The following MED13 variants were observed in gnomAD, a reference collection of about 807,000 sequenced individuals.
MED13 encodes mediator of RNA polymerase II transcription subunit 13.
In MED13, 23 loss-of-function variants were observed where a neutral mutation model predicts 225.2. The observed-to-expected ratio is 0.10, with a 90% CI of 0.07 to 0.14. MED13 has a LOEUF of 0.14. MED13 is among the 10% of genes least tolerant of loss of function. MED13 has a pLI of 1.00. For synonymous variants in MED13, 942 were observed against 889.2 expected (o/e 1.06, Z -1.06); for missense variants, 2,197 against 2,594.5 (o/e 0.85, Z 3.33).
Position 61,984,768 on chromosome 17 carries a change from A to T in MED13, c.2574T>A (p.Gly858=). 1 of 1,613,394 alleles carries T rather than the reference A, an allele frequency of 6.2e-7. No individual in the cohort carries two copies. Among genetic ancestry groups the T allele is most frequent in the Non-Finnish European group, 8.5e-7 (1 of 1,179,370 alleles). The change falls in exon 14 of 30, where the codon GGT becomes GGA. Residue 858 remains glycine (G), a synonymous_variant. Transcript: ENST00000397786. ...SPMNMNNKEY[G]SMDTTPGGTV... ...TTCCTCCAGGTGTTGTATCCATACTACCATATTCTTTATTATTCATATTCA... is the reference window on the plus strand; with the variant it reads ...TTCCTCCAGGTGTTGTATCCATACTTCCATATTCTTTATTATTCATATTCA...
chr17:62,043,586 T>C (rs917455312), intron 3 of MED13, among the ~76,000 whole-genome samples: 5 of 152,184 alleles, frequency 3.3e-5, no homozygotes, highest in South Asian at 4.1e-4. Context: ...TACCTTTCAC[T>C]AATAAACACT....
At chr17:62,061,007 A>C (rs544942681) in intron 2 of MED13, among the ~76,000 whole-genome samples, 1 of 152,226 alleles carries the variant, frequency 6.6e-6, no homozygotes, top group South Asian at 2.1e-4. Flanking sequence ...CCAGCTGATC[A>C]CTATTTTAAA....
At chr17:61,990,694 T>C (rs1260800508) in intron 11 of MED13, among the ~76,000 whole-genome samples, 5 of 151,196 alleles carry the variant, frequency 3.3e-5, no homozygotes, top group African/African-American at 1.2e-4. Context: ...CATAAATATA[T>C]ATAATTTTTA....
Position 62,031,435 on chromosome 17 carries a change from C to A in MED13, c.1009+9G>T. The A allele has an allele frequency of 6.3e-7, 1 of 1,575,448 alleles. No homozygotes were observed. The highest frequency in any genetic ancestry group is 8.6e-7 in the Non-Finnish European group (1 of 1,160,844). Reference sequence around the variant, plus strand: ...TTACCAGAGCTGATGAGACAAATTACTGCTATACCTGTTTGGACTTCCTCA... The same window carrying A: ...TTACCAGAGCTGATGAGACAAATTAATGCTATACCTGTTTGGACTTCCTCA... On this transcript the variant is annotated intron_variant, in intron 6 of 29. Transcript: ENST00000397786.
intron 9 of MED13, among the ~76,000 whole-genome samples, chr17:62,001,656 C>T (rs376221514): frequency 1.3e-5 from 2 of 152,230 alleles, no homozygotes; most frequent in East Asian, 1.9e-4. Flanking sequence ...CTAACCATAC[C>T]AAACTACATA....
At chr17:62,019,772 T>C (rs933732128) in intron 8 of MED13, among the ~76,000 whole-genome samples, 2 of 150,854 alleles carry the variant, frequency 1.3e-5, no homozygotes, top group African/African-American at 2.4e-5. Context: ...AGACGGAGCC[T>C]CGCTCTTGTC....
intron 8 of MED13, among the ~76,000 whole-genome samples, chr17:62,022,901 T>C (rs547747875): frequency 6.6e-6 from 1 of 152,114 alleles, no homozygotes; most frequent in African/African-American, 2.4e-5. Context: ...TTCTAGCTAG[T>C]TGGGAGACTG....
chr17:61,956,597 G>A, intron 23 of MED13, 116 bp from the exon 24 acceptor site: 1 of 1,041,448 alleles, frequency 9.6e-7, no homozygotes, highest in Middle Eastern at 2.4e-4. Context: ...GGAGTGCAGT[G>A]GTGCGATCTC....
chr17:61,987,128 T>C lies in MED13; in HGVS notation c.2264A>G (p.Asp755Gly), dbSNP rs1299061242. 11 of 1,584,622 alleles carry C rather than the reference T, an allele frequency of 6.9e-6. No homozygotes were observed. The highest frequency in any genetic ancestry group is 9.4e-6 in the Non-Finnish European group (11 of 1,169,610). The change falls in exon 12 of 30, where the codon GAT becomes GGT. Residue 755 changes from aspartate to glycine, a missense_variant and splice_region_variant. Physicochemically the swap from Asp to Gly is moderately conservative, Grantham distance 94 (BLOSUM62 -1). Transcript: ENST00000397786. ...MSLFSPSIKQDAPRPTSHARP... is the reference protein window; with the variant it reads ...MSLFSPSIKQGAPRPTSHARP... ...GGCATGACTAGTAGGGCGTGGAGCA[T>C]CTACAAAAGTCAATCAGAAAAATAA...
rs555881211 is a variant in MED13, at chr17:62,017,219, TAA to T, written c.1284-5988_1284-5987del. 7.5e-4 allele frequency among the ~76,000 whole-genome samples: 63 copies of T among 84,196 alleles called. No homozygotes were observed. The East Asian group carries it at 8.4e-3, about 11-fold the overall frequency. The allele number at this position is 84,196 out of a possible 152,430, so 55.2% of individuals were successfully genotyped here. ...ACAAAACAGAGTAGAACTAAAATGC[TAA>T]AAAAAAAAAAAAAAAAGCATGAAAG... On this transcript the variant is annotated intron_variant, in intron 8 of 29. Transcript: ENST00000397786.
At position 62,046,280 on chromosome 17, in the gene MED13, GA is replaced by G. The variant is rs150868208; in HGVS notation, c.470+6256del. ...TGTCCTACTTGCTTTTCCAAAGAAG[GA>G]AAAAGGGTAAGAAAGTTCCTGTAAA... On this transcript the variant is annotated intron_variant, in intron 3 of 29. Transcript: ENST00000397786. Among the ~76,000 whole-genome samples, 33 of 152,196 alleles carry G rather than the reference GA, an allele frequency of 2.2e-4. 1 individual carries two copies. The East Asian group carries it at 6.2e-3, about 28-fold the overall frequency.
At chr17:62,044,904 T>G (rs1449188396) in intron 3 of MED13, among the ~76,000 whole-genome samples, 1 of 152,232 alleles carries the variant, frequency 6.6e-6, no homozygotes, top group African/African-American at 2.4e-5. Context: ...TCAAGTGATC[T>G]GCCTGCCTTG....
intron 28 of MED13, among the ~76,000 whole-genome samples, chr17:61,949,956 T>G (rs1323608233): frequency 5.9e-5 from 9 of 152,192 alleles, no homozygotes; most frequent in Non-Finnish European, 4.4e-5. Flanking sequence ...GTGCTGGGAT[T>G]ACAGGCATGA....
chr17:62,029,428 A>T (rs2080733011), intron 8 of MED13, 113 bp downstream of exon 8: 8 of 724,302 alleles, frequency 1.1e-5, no homozygotes, highest in Non-Finnish European at 1.8e-5. Flanking sequence ...TTTCTTTTGA[A>T]AAAAAATCCT....
At chr17:62,047,695 A>C (rs570875803) in intron 3 of MED13, among the ~76,000 whole-genome samples, 1 of 152,026 alleles carries the variant, frequency 6.6e-6, no homozygotes, top group Non-Finnish European at 1.5e-5. Flanking sequence ...CGTTCTGCAC[A>C]TGTATTGCAG....
In MED13 at chr17:62,010,795, T is replaced by C; in HGVS notation, c.1722A>G (p.Pro574=). The C allele has an allele frequency of 6.2e-7, 1 of 1,614,246 alleles. No individual in the cohort carries two copies. Among genetic ancestry groups the C allele is most frequent in the South Asian group, 1.1e-5 (1 of 91,086 alleles). ...ACAAACTGTCTATCCTATCTTCCAT[T>C]GGTTTAGAAGGAACCAAGGGATCTG... is the stretch of plus-strand genomic sequence containing the variant. ...PTPDPLVPSK[P]MEDRIDSLSQ... is the part of the protein sequence containing the mutation. Residue 574 remains proline (P), a synonymous_variant, in exon 9 of 30, where the codon CCA becomes CCG. Coordinates refer to ENST00000397786, the MANE Select transcript of MED13 (RefSeq NM_005121.3).
intron 3 of MED13, among the ~76,000 whole-genome samples, chr17:62,049,174 T>C (rs1162821580): frequency 1.3e-5 from 2 of 148,896 alleles, no homozygotes; most frequent in African/African-American, 2.5e-5. Context: ...GAAACAGGAC[T>C]ACAGAACTAC....
In MED13 at chr17:62,011,143, G is replaced by C. The variant is rs761920239; in HGVS notation, c.1374C>G (p.Thr458=). 6.2e-7 allele frequency: 1 copy of C among 1,614,098 alleles called. No individual in the cohort carries two copies. The highest frequency in any genetic ancestry group is 8.5e-7 in the Non-Finnish European group (1 of 1,180,012). Residue 458 remains threonine, a synonymous_variant, in exon 9 of 30, where the codon ACC becomes ACG. Coordinates refer to ENST00000397786, the MANE Select transcript of MED13 (RefSeq NM_005121.3). ...QQQQILPKHK[T]NEKQEKSEKP... is the part of the protein sequence containing the mutation. ...TTTCACTCTTTTCTTGCTTCTCATTGGTCTTGTGCTTAGGAAGTATTTGTT... is the reference window on the plus strand; with the variant it reads ...TTTCACTCTTTTCTTGCTTCTCATTCGTCTTGTGCTTAGGAAGTATTTGTT...
rs2079855837 is a variant in MED13, at chr17:61,946,927, C to T, written c.6382G>A (p.Asp2128Asn). 1.2e-6 allele frequency: 2 copies of T among 1,611,786 alleles called. No individual in the cohort carries two copies. The highest frequency in any genetic ancestry group is 1.3e-5 in the African/African-American group (1 of 74,856). ...SHPLDSNQTS[D>N]VLRFVLEQYN... ...GTAAAAGAGTTGTACCTGAGGACATCTGAAGTCTGATTTGAGTCAAGTGGG... is the reference window on the plus strand; with the variant it reads ...GTAAAAGAGTTGTACCTGAGGACATTTGAAGTCTGATTTGAGTCAAGTGGG... The change falls in exon 29 of 30, where the codon GAT (aspartate) becomes AAT (asparagine). Residue 2128 changes from aspartate to asparagine, a missense_variant. Coordinates refer to ENST00000397786, the MANE Select transcript of MED13 (RefSeq NM_005121.3).
Sources: allele counts gnomAD v4.1 joint callset (sites outside exome capture counted in the v4.1 genomes callset), GRCh38; gene constraint gnomAD v4.1.1; transcripts MANE v1.5; gene names NCBI Gene and HGNC (gene_info 2026-07-23, HGNC 2026-07-21).